ST6GALNAC5: variants seen among roughly 807,000 people sequenced by gnomAD.
The protein encoded by ST6GALNAC5 is alpha-N-acetylgalactosaminide alpha-2,6-sialyltransferase 5.
In ST6GALNAC5, 27 loss-of-function variants were observed where a neutral mutation model predicts 33.6. That is an observed-to-expected ratio of 0.80 (90% CI 0.59 to 1.11). ST6GALNAC5 has a LOEUF of 1.11. Ranked by LOEUF, ST6GALNAC5 falls within the 50% of genes least tolerant of loss-of-function variation. The probability of loss-of-function intolerance (pLI) is 0.00; values close to 1 mark genes in which losing one functional copy is unlikely to be tolerated. For synonymous variants in ST6GALNAC5, 194 were observed against 171.2 expected (o/e 1.13, Z -1.04); for missense variants, 428 against 454.0 (o/e 0.94, Z 0.52).
rs137967539 is a variant in ST6GALNAC5 at position 76,992,459 on chromosome 1, T to C, written c.262-51745T>C. Reference sequence around the variant, plus strand: ...AATCCTTTCTCTTCACTGCAGCCAATTACCTTTCTAAAGGGCAATTGTGGT... The same window carrying C: ...AATCCTTTCTCTTCACTGCAGCCAACTACCTTTCTAAAGGGCAATTGTGGT... On this transcript the variant is annotated intron_variant, in intron 2 of 4. Coordinates refer to ENST00000477717, the MANE Select transcript of ST6GALNAC5 (RefSeq NM_030965.3). Among the ~76,000 whole-genome samples, 327 of 151,792 alleles carry C rather than the reference T, an allele frequency of 2.2e-3. 7 individuals carry two copies. The highest frequency in any genetic ancestry group is 7.5e-3 in the African/African-American group (311 of 41,410).
At chr1:76,957,497 G>A (rs1047205086) in intron 2 of ST6GALNAC5, among the ~76,000 whole-genome samples, 1 of 152,120 alleles carries the variant, frequency 6.6e-6, no homozygotes, top group Non-Finnish European at 1.5e-5. Flanking sequence ...GCAGTTCTGA[G>A]AGGACATTAA....
rs938648548 is a variant in ST6GALNAC5 at position 77,064,102 on chromosome 1, C to G, written c.*896C>G. ...CTTTAGTAATAATTTATGTAAGTGT[C>G]CTCTCTTGAGCCCTAGTTTCCTTTT... On this transcript the variant is annotated 3_prime_UTR_variant, in exon 5 of 5. Coordinates refer to ENST00000477717, the MANE Select transcript of ST6GALNAC5 (RefSeq NM_030965.3). 1 of 152,094 alleles carries G rather than the reference C, an allele frequency of 6.6e-6. No homozygotes were observed. Among genetic ancestry groups the G allele is most frequent in the African/African-American group, 2.4e-5 (1 of 41,420 alleles). The allele number at this position is 152,094 out of a possible 1,614,324, so 9.4% of individuals were successfully genotyped here.
intron 2 of ST6GALNAC5, among the ~76,000 whole-genome samples, chr1:77,018,027 C>T (rs558529479): frequency 1.3e-5 from 2 of 152,298 alleles, no homozygotes; most frequent in African/African-American, 4.8e-5. Context: ...CCTAGACCCA[C>T]ACTGAAATCC....
intron 2 of ST6GALNAC5, among the ~76,000 whole-genome samples, chr1:76,963,291 T>C (rs1648317877): frequency 6.6e-6 from 1 of 152,244 alleles, no homozygotes; most frequent in African/African-American, 2.4e-5. Flanking sequence ...CCACGCTTTA[T>C]TGATAATAGA....
intron 2 of ST6GALNAC5, among the ~76,000 whole-genome samples, chr1:76,966,057 T>C (rs1467737497): frequency 1.3e-5 from 2 of 152,232 alleles, no homozygotes; most frequent in Non-Finnish European, 2.9e-5. Flanking sequence ...TCCAGCTTTG[T>C]TCTTTTTGCT....
At chr1:76,921,461 C>T (rs1647033899) in intron 2 of ST6GALNAC5, among the ~76,000 whole-genome samples, 1 of 152,098 alleles carries the variant, frequency 6.6e-6, no homozygotes, top group South Asian at 2.1e-4. Context: ...TCTAGTAAGA[C>T]TCACAAAGTT....
chr1:76,985,951 C>A (rs1437845156), intron 2 of ST6GALNAC5, among the ~76,000 whole-genome samples: 2 of 152,072 alleles, frequency 1.3e-5, no homozygotes, highest in Non-Finnish European at 2.9e-5. Flanking sequence ...ACTGGCTAGC[C>A]ATATGTAGAA....
chr1:76,896,075 T>G (rs1015839469), intron 2 of ST6GALNAC5, among the ~76,000 whole-genome samples: 10 of 152,210 alleles, frequency 6.6e-5, no homozygotes, highest in Admixed American at 2.0e-4. Flanking sequence ...ACTAAGAGCC[T>G]GAAAAACTGC....
At chr1:77,031,818 T>C (rs745622216) in intron 2 of ST6GALNAC5, among the ~76,000 whole-genome samples, 5 of 152,192 alleles carry the variant, frequency 3.3e-5, no homozygotes, top group Non-Finnish European at 5.9e-5. Context: ...GGGGATATTG[T>C]GGTGACTTAA....
chr1:76,961,100 A>G (rs1246206439), intron 2 of ST6GALNAC5, among the ~76,000 whole-genome samples: 1 of 152,170 alleles, frequency 6.6e-6, no homozygotes, highest in Non-Finnish European at 1.5e-5. Context: ...AAGAAATTAT[A>G]AAAGTATTAA....
intron 2 of ST6GALNAC5, among the ~76,000 whole-genome samples, chr1:76,938,467 A>G (rs1258404745): frequency 1.3e-5 from 2 of 152,100 alleles, no homozygotes; most frequent in Non-Finnish European, 2.9e-5. Context: ...AGCAAGAGTA[A>G]GAGAAGAGAC....
intron 2 of ST6GALNAC5, among the ~76,000 whole-genome samples, chr1:76,998,706 C>G (rs945718403): frequency 1.3e-5 from 2 of 152,108 alleles, no homozygotes; most frequent in African/African-American, 4.8e-5. Flanking sequence ...AAAACCTGAA[C>G]CATCATTGAG....
intron 2 of ST6GALNAC5, among the ~76,000 whole-genome samples, chr1:77,034,942 T>C (rs1651595155): frequency 6.6e-6 from 1 of 152,206 alleles, no homozygotes; most frequent in Non-Finnish European, 1.5e-5. Context: ...ATGCTACCTT[T>C]CGTGTATGGT....
At chr1:76,990,944 A>G (rs1270404856) in intron 2 of ST6GALNAC5, among the ~76,000 whole-genome samples, 3 of 152,158 alleles carry the variant, frequency 2.0e-5, no homozygotes, top group Non-Finnish European at 4.4e-5. Flanking sequence ...AGAGTATTGC[A>G]TAGCTAGGGC....
intron 2 of ST6GALNAC5, among the ~76,000 whole-genome samples, chr1:77,016,436 T>C (rs1016964811): frequency 6.6e-6 from 1 of 151,978 alleles, no homozygotes; most frequent in African/African-American, 2.4e-5. Flanking sequence ...TATTTTGAAA[T>C]TTTCCTTTCG....
At chr1:76,949,643 A>C (rs1483982454) in intron 2 of ST6GALNAC5, among the ~76,000 whole-genome samples, 2 of 152,102 alleles carry the variant, frequency 1.3e-5, no homozygotes, top group Non-Finnish European at 2.9e-5. Context: ...AATTGAGGTC[A>C]TCAGTCCTAT....
intron 2 of ST6GALNAC5, among the ~76,000 whole-genome samples, chr1:76,873,951 C>T (rs1031777365): frequency 2.0e-5 from 3 of 152,092 alleles, no homozygotes; most frequent in Non-Finnish European, 4.4e-5. Context: ...TTGATCTAAT[C>T]GTTGCAGAGA....
At chr1:76,897,042 G>A (rs938430170) in intron 2 of ST6GALNAC5, among the ~76,000 whole-genome samples, 2 of 152,022 alleles carry the variant, frequency 1.3e-5, no homozygotes, top group East Asian at 3.9e-4. Flanking sequence ...TCAGTAGGGA[G>A]AGCACATGTG....
chr1:76,868,591 CGCAGCAGCA>C lies in ST6GALNAC5; in HGVS notation c.126_134del (p.Gln47_Gln49del), dbSNP rs113832855. Reference sequence around the variant, plus strand: ...CTCGGCGGCCAGAAGGAGCGGCCCCCGCAGCAGCAGCAGCAGCAGCAGCAACAGCAGCAG... The same window carrying C: ...CTCGGCGGCCAGAAGGAGCGGCCCCCGCAGCAGCAGCAGCAACAGCAGCAG... On this transcript the variant is annotated inframe_deletion, in exon 2 of 5. Coordinates refer to ENST00000477717, the MANE Select transcript of ST6GALNAC5 (RefSeq NM_030965.3). This position sits in a 1 kb window ranked among gnomAD's most constrained non-coding sequence, Gnocchi z 4.3. 1.9e-5 allele frequency: 31 copies of C among 1,609,642 alleles called. No individual in the cohort carries two copies. The highest frequency in any genetic ancestry group is 1.4e-5 in the Non-Finnish European group (16 of 1,178,302).
Sources: gnomAD v4.1 joint callset for allele counts (sites outside exome capture counted in the v4.1 genomes callset) on GRCh38, gnomAD v4.1.1 for gene constraint, Gnocchi (gnomAD v3.1) non-coding constraint, MANE v1.5 for transcripts, NCBI Gene and HGNC (gene_info 2026-07-23, HGNC 2026-07-21) for gene names.